AFF1: variants seen among roughly 807,000 people sequenced by gnomAD.
The protein encoded by AFF1 is AF4/FMR2 family member 1.
AFF1 carries 48 observed loss-of-function variants against 121.7 expected under a neutral mutation model. That is an observed-to-expected ratio of 0.39 (90% CI 0.31 to 0.50). The LOEUF is 0.50. Among genes scored for constraint, AFF1 ranks in the 20% least tolerant of loss-of-function variants. The pLI, the probability that AFF1 is intolerant of heterozygous loss-of-function variation, is 0.76. For missense variants in AFF1, 1,523 were observed against 1,511.7 expected (o/e 1.01, Z -0.12); for synonymous variants, 613 against 563.0 (o/e 1.09, Z -1.26).
At chr4:87,112,714 G>A (rs900168785) in intron 11 of AFF1, among the ~76,000 whole-genome samples, 4 of 152,126 alleles carry the variant, frequency 2.6e-5, no homozygotes, top group African/African-American at 4.8e-5. Flanking sequence ...TCCATCTACC[G>A]GAGTGTTCTC....
intron 17 of AFF1, among the ~76,000 whole-genome samples, 180 bp from the exon 18 acceptor site, chr4:87,131,613 C>T (rs1728837605): frequency 6.6e-6 from 1 of 152,214 alleles, no homozygotes. Context: ...GACGTGTACT[C>T]ACCTAGTTTT....
intron 4 of AFF1, among the ~76,000 whole-genome samples, chr4:87,055,721 G>A (rs1447108981): frequency 6.6e-6 from 1 of 152,218 alleles, no homozygotes; most frequent in Non-Finnish European, 1.5e-5. Context: ...GTTGATGACT[G>A]AGTTAGTGGT....
At chr4:87,085,505 G>A (rs564464652) in intron 5 of AFF1, among the ~76,000 whole-genome samples, 1 of 150,108 alleles carries the variant, frequency 6.7e-6, no homozygotes, top group Non-Finnish European at 1.5e-5. Context: ...AATCACTATT[G>A]CTCATATTTT....
chr4:87,107,778 T>C (rs1018858783), intron 10 of AFF1, among the ~76,000 whole-genome samples: 3 of 152,168 alleles, frequency 2.0e-5, no homozygotes, highest in Non-Finnish European at 2.9e-5. Context: ...AAAGCAAACA[T>C]AGTACATTAA....
chr4:87,001,417 C>T (rs563634969), intron 2 of AFF1, among the ~76,000 whole-genome samples: 182 of 151,876 alleles, frequency 1.2e-3, no homozygotes, highest in African/African-American at 4.2e-3. Context: ...TGGGTTTCAC[C>T]GTGTTAGCCA....
intron 2 of AFF1, among the ~76,000 whole-genome samples, chr4:87,015,194 C>A (rs1727176882): frequency 6.6e-6 from 1 of 152,190 alleles, no homozygotes; most frequent in Admixed American, 6.5e-5. Flanking sequence ...CTAGCAATTA[C>A]AGCTATAGGA....
chr4:87,020,921 T>TACAC, intron 2 of AFF1: 8 of 773,340 alleles, frequency 1.0e-5, no homozygotes, highest in Non-Finnish European at 1.1e-5. Flanking sequence ...AAAAGATGTG[T>TACAC]ATCTTTTAAT....
chr4:86,961,232 TGCTTTCAATCTCGTAAC>T (rs1336589681), intron 2 of AFF1, among the ~76,000 whole-genome samples: 7 of 152,294 alleles, frequency 4.6e-5, no homozygotes, highest in Admixed American at 2.6e-4. Context: ...TTGATAGGCA[TGCTTTCAATCTCGTAAC>T]TCCCTATGAG....
intron 4 of AFF1, among the ~76,000 whole-genome samples, chr4:87,050,014 A>G (rs1014503653): frequency 2.6e-5 from 4 of 152,236 alleles, no homozygotes; most frequent in African/African-American, 9.6e-5. Context: ...TTTTAAAAAT[A>G]TACTTGAATT....
chr4:87,022,206 C>CAAAAAAAAA (rs11296179), intron 2 of AFF1, among the ~76,000 whole-genome samples: 1 of 76,058 alleles, frequency 1.3e-5, no homozygotes, highest in African/African-American at 5.4e-5. Flanking sequence ...GACTCCATCT[C>CAAAAAAAAA]AAAAAAAAAA....
At chr4:86,950,013 CCTG>C in intron 2 of AFF1, 3 of 1,614,066 alleles carry the variant, frequency 1.9e-6, no homozygotes, top group Non-Finnish European at 1.7e-6. Flanking sequence ...GCCAGTTTCA[CCTG>C]CTGAGCTCCG....
intron 4 of AFF1, among the ~76,000 whole-genome samples, chr4:87,051,272 TTG>T (rs1276941239): frequency 6.6e-6 from 1 of 152,176 alleles, no homozygotes; most frequent in African/African-American, 2.4e-5. Context: ...GGTGAGATGT[TTG>T]TGTTTTTGAC....
At chr4:87,017,687 C>G (rs1056059417) in intron 2 of AFF1, among the ~76,000 whole-genome samples, 2 of 152,164 alleles carry the variant, frequency 1.3e-5, no homozygotes, top group South Asian at 2.1e-4. Context: ...ATGCGCTGTT[C>G]TCATTCACTA....
intron 4 of AFF1, among the ~76,000 whole-genome samples, chr4:87,070,006 GTTTTTA>G (rs1202300888): frequency 1.3e-5 from 2 of 150,996 alleles, no homozygotes; most frequent in African/African-American, 4.9e-5. Flanking sequence ...TGTTGGTTTT[GTTTTTA>G]TTTTTGTTTT....
intron 2 of AFF1, among the ~76,000 whole-genome samples, chr4:86,960,101 T>C (rs978323488): frequency 6.6e-6 from 1 of 152,038 alleles, no homozygotes; most frequent in Non-Finnish European, 1.5e-5. Flanking sequence ...AGGGATGACC[T>C]CTACATTTTT....
At chr4:87,037,378 C>T (rs761884733) in intron 2 of AFF1, among the ~76,000 whole-genome samples, 1 of 152,138 alleles carries the variant, frequency 6.6e-6, no homozygotes, top group Non-Finnish European at 1.5e-5. Context: ...GTGGCGCGTT[C>T]TCAGCTCACT....
Position 87,046,857 on chromosome 4 carries a change from A to G in AFF1, c.322A>G (p.Ser108Gly). ...TCCTTTAATTCCTGACAAAGGGAGC[A>G]GCATTCCATCCAGCTCCTTCCACAC... ...KYPLIPDKGS[S>G]IPSSSFHTSV... Residue 108 changes from serine to glycine, a missense_variant, in exon 4 of 21, where the codon AGC becomes GGC. Ser to Gly is a moderately conservative substitution (Grantham distance 56). Coordinates refer to ENST00000395146, the MANE Select transcript of AFF1 (RefSeq NM_001166693.3). The G allele has an allele frequency of 2.5e-6, 4 of 1,614,214 alleles. No individual in the cohort carries two copies. Among genetic ancestry groups the G allele is most frequent in the Non-Finnish European group, 3.4e-6 (4 of 1,180,040 alleles).
In AFF1 at chr4:87,078,115, A is replaced by G. The variant is rs72879904; in HGVS notation, c.1060-6005A>G. The stretch of plus-strand genomic sequence containing the variant: ...TTTGAGTGCCTATTTCCCCATGTCT[A>G]TCTCATAGATGGAGTATTGTTAATC... On this transcript the variant is annotated intron_variant, in intron 4 of 20. Coordinates refer to ENST00000395146, the MANE Select transcript of AFF1 (RefSeq NM_001166693.3). Among the ~76,000 whole-genome samples the G allele has an allele frequency of 1.6e-3, 241 of 152,298 alleles. 2 individuals carry two copies. The highest frequency in any genetic ancestry group is 5.3e-3 in the African/African-American group (220 of 41,544).
At position 87,089,935 on chromosome 4, in the gene AFF1, TG is replaced by T. The variant is rs1724128939; in HGVS notation, c.1105-48del. ...GTTCAAAATGTTAAGTAGCAATGAA[TG>T]TTCTATTTATAATTTACTTTTTCTT... is the stretch of plus-strand genomic sequence containing the variant. On this transcript the variant is annotated intron_variant, in intron 5 of 20. Coordinates refer to ENST00000395146, the MANE Select transcript of AFF1 (RefSeq NM_001166693.3). The T allele has an allele frequency of 2.9e-6, 4 of 1,359,256 alleles. No individual in the cohort carries two copies. In the East Asian group the frequency reaches 9.2e-5, roughly 31 times the overall value. The allele number at this position is 1,359,256 out of a possible 1,614,324, so 84.2% of individuals were successfully genotyped here.
Sources: gnomAD v4.1 joint callset for allele counts (sites outside exome capture counted in the v4.1 genomes callset) on GRCh38, gnomAD v4.1.1 for gene constraint, MANE v1.5 for transcripts, NCBI Gene and HGNC (gene_info 2026-07-23, HGNC 2026-07-21) for gene names.